Variants in SCRT1 observed in about 807,000 individuals in gnomAD.
SCRT1 encodes transcriptional repressor scratch 1.
In SCRT1, 1 loss-of-function variant was observed where a neutral mutation model predicts 3.4. That is an observed-to-expected ratio of 0.29 (90% CI 0.10 to 1.39). The LOEUF is 1.39. SCRT1 is among the 40% of genes most tolerant of loss of function. The pLI is 0.42. For missense variants in SCRT1, 380 were observed against 526.3 expected (o/e 0.72, Z 2.72); for synonymous variants, 238 against 247.0 (o/e 0.96, Z 0.34).
At position 144,333,380 on chromosome 8, in the gene SCRT1, G is replaced by A; in HGVS notation, c.852C>T (p.Ala284=). ...KPFGCAHCGK[A]FADRSNLRAH... The stretch of plus-strand genomic sequence containing the variant: ...CGCGCAGGTTGGAGCGGTCGGCGAA[G>A]GCCTTGCCGCAGTGCGCGCAGCCGA... Residue 284 remains alanine, a synonymous_variant, in exon 2 of 2, where the codon GCC becomes GCT. Transcript: ENST00000569446. The A allele has an allele frequency of 6.2e-7, 1 of 1,609,936 alleles. No individual in the cohort carries two copies. Among genetic ancestry groups the A allele is most frequent in the Non-Finnish European group, 8.5e-7 (1 of 1,178,912 alleles).
Position 144,336,190 on chromosome 8 carries a change from G to T in SCRT1, c.-21C>A. 1 of 1,542,342 alleles carries T rather than the reference G, an allele frequency of 6.5e-7. No individual in the cohort carries two copies. The highest frequency in any genetic ancestry group is 1.2e-5 in the South Asian group (1 of 84,842). On this transcript the variant is annotated 5_prime_UTR_variant, in exon 1 of 2. Coordinates refer to ENST00000569446, the MANE Select transcript of SCRT1 (RefSeq NM_031309.6). This position sits in a 1 kb window ranked among gnomAD's most constrained non-coding sequence, Gnocchi z 6.8. ...GGCATGATTCCTGCGGGGCTCCGGC[G>T]CTGTGGGCCTGCGGAGCCGGGGCTT...
Position 144,336,104 on chromosome 8 carries a change from G to A in SCRT1, c.66C>T (p.Ser22=), listed in dbSNP as rs1320439833. ...GGTCGCTGCGGGCGCGTCCGTAGGC[G>A]CTCTCCAGGTCGGCCGAAGAGAACG... ...LDAFSSADLE[S]AYGRARSDLG... The change falls in exon 1 of 2, where the codon AGC becomes AGT. Residue 22 remains serine, a synonymous_variant. Transcript: ENST00000569446. This position sits in a 1 kb window ranked among gnomAD's most constrained non-coding sequence, Gnocchi z 6.8. The A allele has an allele frequency of 8.1e-6, 13 of 1,610,102 alleles. No homozygotes were observed. Among genetic ancestry groups the A allele is most frequent in the African/African-American group, 2.7e-5 (2 of 74,784 alleles).
rs1817874637 is a variant in SCRT1 at position 144,335,421 on chromosome 8, C to G, written c.115+634G>C. Among the ~76,000 whole-genome samples, 1 of 152,164 alleles carries G rather than the reference C, an allele frequency of 6.6e-6. No individual in the cohort carries two copies. Among genetic ancestry groups the G allele is most frequent in the African/African-American group, 2.4e-5 (1 of 41,432 alleles). The stretch of plus-strand genomic sequence containing the variant: ...CCTGTCCCCCTCTCCTGCATGCTGA[C>G]AGTTGTCCTTGAACTTGGGCACCCT... On this transcript the variant is annotated intron_variant, in intron 1 of 1. Coordinates refer to ENST00000569446, the MANE Select transcript of SCRT1 (RefSeq NM_031309.6). This position sits in a 1 kb window ranked among gnomAD's most constrained non-coding sequence, Gnocchi z 7.7.
chr8:144,334,095 C>T lies in SCRT1; in HGVS notation c.137G>A (p.Gly46Glu), dbSNP rs782485054. 15 of 1,536,364 alleles carry T rather than the reference C, an allele frequency of 9.8e-6. No individual in the cohort carries two copies. In the South Asian group the frequency reaches 1.7e-4, roughly 17 times the overall value. The change falls in exon 2 of 2, where the codon GGG becomes GAG. Residue 46 changes from glycine (G) to glutamate (E), a missense_variant. Transcript: ENST00000569446. ...HDKGYLSDYV[G>E]PSSVYDGDAE... ...GTCGCCATCGTAGACGGACGAGGGC[C>T]CCACGTAGTCGCTGAGGTACCCTGC...
rs1489386274 is a variant in SCRT1, at chr8:144,330,769, G to A, written c.*2416C>T. On this transcript the variant is annotated 3_prime_UTR_variant, in exon 2 of 2. Coordinates refer to ENST00000569446, the MANE Select transcript of SCRT1 (RefSeq NM_031309.6). ...ATGTACAAGGCGGCGGGGCACAGGC[G>A]GGGGTGGGGGCGGGCGGGCCGGCGG... 24 of 151,192 alleles carry A rather than the reference G, an allele frequency of 1.6e-4. No individual in the cohort carries two copies. Among genetic ancestry groups the A allele is most frequent in the Non-Finnish European group, 2.2e-4 (15 of 67,372 alleles). The allele number at this position is 151,192 out of a possible 1,614,324, so 9.4% of individuals were successfully genotyped here. A position where few individuals can be genotyped will look rare whatever the true frequency, so the allele number is the denominator to read the frequency against.
rs1554849570 is a variant in SCRT1, at chr8:144,332,018, G to C, written c.*1167C>G. 1 of 151,646 alleles carries C rather than the reference G, an allele frequency of 6.6e-6. No individual in the cohort carries two copies. 9.4% of individuals were successfully genotyped at this position (151,646 alleles called of 1,614,324 possible). A position where few individuals can be genotyped will look rare whatever the true frequency, so the allele number is the denominator to read the frequency against. ...GCTTTGGCATAGACGGGCGAAAGTT[G>C]GCAACCGAGTGGGGGCGGGGCCTGG... On this transcript the variant is annotated 3_prime_UTR_variant, in exon 2 of 2. Coordinates refer to ENST00000569446, the MANE Select transcript of SCRT1 (RefSeq NM_031309.6).
rs1415741757 is a variant in SCRT1 at position 144,332,217 on chromosome 8, A to T, written c.*968T>A. On this transcript the variant is annotated 3_prime_UTR_variant, in exon 2 of 2. Transcript: ENST00000569446. ...ATGGGGGTTCAGCGCCCCCTCCCTG[A>T]CCCGAGTGCAATCCGTTCATAAATA... 6.6e-6 allele frequency: 1 copy of T among 152,278 alleles called. No individual in the cohort carries two copies. Among genetic ancestry groups the T allele is most frequent in the Non-Finnish European group, 1.5e-5 (1 of 68,042 alleles). The allele number at this position is 152,278 out of a possible 1,614,324, so 9.4% of individuals were successfully genotyped here.
At position 144,333,751 on chromosome 8, in the gene SCRT1, C is replaced by T; in HGVS notation, c.481G>A (p.Gly161Arg). ...CCGCCCCGGCCCCCCGGCCCGGATC[C>T]CAAGCTGCGCCCGCCCGCCCCGCCC... ...GGGGAGGRSL[G>R]SGPGGRGGTR... Residue 161 changes from glycine to arginine, a missense_variant, in exon 2 of 2, where the codon GGA (glycine) becomes AGA (arginine). Around this residue, in one of 5 missense-constraint regions of SCRT1, gnomAD observed 115 missense variants for 107.3 expected, o/e 1.07. Transcript: ENST00000569446. The T allele has an allele frequency of 8.7e-7, 1 of 1,152,032 alleles. No individual in the cohort carries two copies. Among genetic ancestry groups the T allele is most frequent in the East Asian group, 4.1e-5 (1 of 24,226 alleles). 71.4% of individuals were successfully genotyped at this position (1,152,032 alleles called of 1,614,324 possible). A position where few individuals can be genotyped will look rare whatever the true frequency, so the allele number is the denominator to read the frequency against.
Position 144,335,555 on chromosome 8 carries a change from C to T in SCRT1, c.115+500G>A, listed in dbSNP as rs782534984. 1.3e-5 allele frequency among the ~76,000 whole-genome samples: 2 copies of T among 152,226 alleles called. No individual in the cohort carries two copies. Among genetic ancestry groups the T allele is most frequent in the Non-Finnish European group, 2.9e-5 (2 of 68,040 alleles). ...GCTTCAGGGAAGAGACTGCTGCTGC[C>T]TCTGCTGGCCCTCTGCTCTGACAGG... On this transcript the variant is annotated intron_variant, in intron 1 of 1. Coordinates refer to ENST00000569446, the MANE Select transcript of SCRT1 (RefSeq NM_031309.6). The surrounding 1 kb of genome is among the most constrained non-coding windows in gnomAD (Gnocchi z 7.7).
rs1817799045 is a variant in SCRT1, at chr8:144,332,744, C to T, written c.*441G>A. 1 of 155,776 alleles carries T rather than the reference C, an allele frequency of 6.4e-6. No individual in the cohort carries two copies. Among genetic ancestry groups the T allele is most frequent in the Non-Finnish European group, 1.4e-5 (1 of 70,432 alleles). 9.6% of individuals were successfully genotyped at this position (155,776 alleles called of 1,614,324 possible). Reference sequence around the variant, plus strand: ...CGGCCTGCTGCCGGGGAGGGGCCGGCTCCCTGGACGTCTGGGCCGCAGGCC... The same window carrying T: ...CGGCCTGCTGCCGGGGAGGGGCCGGTTCCCTGGACGTCTGGGCCGCAGGCC... On this transcript the variant is annotated 3_prime_UTR_variant, in exon 2 of 2. Transcript: ENST00000569446.
intron 1 of SCRT1, 73 bp from the exon 2 acceptor site, chr8:144,334,189 C>A (rs1207998160): frequency 1.1e-4 from 3 of 28,302 alleles, no homozygotes; most frequent in African/African-American, 3.2e-4. Context: ...GATGGGGGGG[C>A]GGGAGACAGC....
In SCRT1 at chr8:144,336,197, G is replaced by A. The variant is rs369957144; in HGVS notation, c.-28C>T. ...TTCCTGCGGGGCTCCGGCGCTGTGG[G>A]CCTGCGGAGCCGGGGCTTGGGGGGG... On this transcript the variant is annotated 5_prime_UTR_variant, in exon 1 of 2. Coordinates refer to ENST00000569446, the MANE Select transcript of SCRT1 (RefSeq NM_031309.6). This position sits in a 1 kb window ranked among gnomAD's most constrained non-coding sequence, Gnocchi z 6.8. 2.1e-5 allele frequency: 31 copies of A among 1,500,842 alleles called. No homozygotes were observed. The highest frequency in any genetic ancestry group is 2.8e-5 in the Non-Finnish European group (31 of 1,104,518). 93.0% of individuals were successfully genotyped at this position (1,500,842 alleles called of 1,614,324 possible).
In SCRT1 at chr8:144,333,181, C is replaced by G. The variant is rs893463267; in HGVS notation, c.*4G>C. The G allele has an allele frequency of 3.6e-5, 54 of 1,508,150 alleles. No individual in the cohort carries two copies. The highest frequency in any genetic ancestry group is 4.8e-5 in the Non-Finnish European group (54 of 1,133,294). The allele number at this position is 1,508,150 out of a possible 1,614,324, so 93.4% of individuals were successfully genotyped here. A position where few individuals can be genotyped will look rare whatever the true frequency, so the allele number is the denominator to read the frequency against. On this transcript the variant is annotated 3_prime_UTR_variant, in exon 2 of 2. Transcript: ENST00000569446. ...CCGACCTGGCTGGGGGAGGCCCCGC[C>G]GCCCTAGGCCTGCACAGGGCTGAGC...
chr8:144,334,857 T>C lies in SCRT1; in HGVS notation c.116-741A>G, dbSNP rs140623537. 3.6e-3 allele frequency among the ~76,000 whole-genome samples: 542 copies of C among 152,180 alleles called. 4 individuals are homozygous for C. The highest frequency in any genetic ancestry group is 4.4e-3 in the Non-Finnish European group (302 of 67,988). ...TCCTGCACCCTTGGGTCCTACCCTG[T>C]TCAACATTGCCCTCTCCTGCTCACA... is the stretch of plus-strand genomic sequence containing the variant. On this transcript the variant is annotated intron_variant, in intron 1 of 1. Transcript: ENST00000569446.
At position 144,333,890 on chromosome 8, in the gene SCRT1, C is replaced by G. The variant is rs1387085923; in HGVS notation, c.342G>C (p.Ala114=). 1 of 1,289,450 alleles carries G rather than the reference C, an allele frequency of 7.8e-7. No individual in the cohort carries two copies. Among genetic ancestry groups the G allele is most frequent in the African/African-American group, 1.6e-5 (1 of 64,514 alleles). The allele number at this position is 1,289,450 out of a possible 1,614,324, so 79.9% of individuals were successfully genotyped here. ...GCCCGTCGGTGATGAAGAAGGCGTC[C>G]GCCGCGTAGCCCTCGCTGACGGCCG... is the stretch of plus-strand genomic sequence containing the variant. ...GDAAVSEGYA[A]DAFFITDGRS... Residue 114 remains alanine, a synonymous_variant, in exon 2 of 2, where the codon GCG becomes GCC. Transcript: ENST00000569446.
chr8:144,334,037 C>G lies in SCRT1; in HGVS notation c.195G>C (p.Pro65=), dbSNP rs1817847047. The G allele has an allele frequency of 6.6e-7, 1 of 1,525,718 alleles. No individual in the cohort carries two copies. The highest frequency in any genetic ancestry group is 8.8e-7 in the Non-Finnish European group (1 of 1,140,436). 94.5% of individuals were successfully genotyped at this position (1,525,718 alleles called of 1,614,324 possible). Reference sequence around the variant, plus strand: ...GCACAGCTGCTGCGTACATGGGCTCCGGCGACGGCCCTTTGAGCAGCGCAG... The same window carrying G: ...GCACAGCTGCTGCGTACATGGGCTCGGGCGACGGCCCTTTGAGCAGCGCAG... ...AEAALLKGPS[P]EPMYAAAVRG... is the part of the protein sequence containing the mutation. Residue 65 remains proline, a synonymous_variant, in exon 2 of 2, where the codon CCG becomes CCC. Coordinates refer to ENST00000569446, the MANE Select transcript of SCRT1 (RefSeq NM_031309.6).
Position 144,331,712 on chromosome 8 carries a change from T to G in SCRT1, c.*1473A>C. 1 of 147,704 alleles carries G rather than the reference T, an allele frequency of 6.8e-6. No individual in the cohort carries two copies. The highest frequency in any genetic ancestry group is 2.5e-5 in the African/African-American group (1 of 39,774). 9.1% of individuals were successfully genotyped at this position (147,704 alleles called of 1,614,324 possible). On this transcript the variant is annotated 3_prime_UTR_variant, in exon 2 of 2. Coordinates refer to ENST00000569446, the MANE Select transcript of SCRT1 (RefSeq NM_031309.6). ...CTCTGCCGTGGGGGTCGGGGAGGGG[T>G]GGGGAGAAAGTCTGCGCGGCCGGCC...
chr8:144,330,878 C>G lies in SCRT1; in HGVS notation c.*2307G>C, dbSNP rs782538057. 3 of 152,456 alleles carry G rather than the reference C, an allele frequency of 2.0e-5. No individual in the cohort carries two copies. The highest frequency in any genetic ancestry group is 4.4e-5 in the Non-Finnish European group (3 of 68,012). The allele number at this position is 152,456 out of a possible 1,614,324, so 9.4% of individuals were successfully genotyped here. A position where few individuals can be genotyped will look rare whatever the true frequency, so the allele number is the denominator to read the frequency against. Reference sequence around the variant, plus strand: ...AATAGGTGCTACCTAAACGTTCCTTCTACCTGAATTCGCTAAGTCGGTTAT... The same window carrying G: ...AATAGGTGCTACCTAAACGTTCCTTGTACCTGAATTCGCTAAGTCGGTTAT... On this transcript the variant is annotated 3_prime_UTR_variant, in exon 2 of 2. Transcript: ENST00000569446.
Position 144,333,499 on chromosome 8 carries a change from C to G in SCRT1, c.733G>C (p.Asp245His). 1 of 1,605,356 alleles carries G rather than the reference C, an allele frequency of 6.2e-7. No individual in the cohort carries two copies. The highest frequency in any genetic ancestry group is 8.5e-7 in the Non-Finnish European group (1 of 1,177,954). ...PAMAMHLLTH[D>H]LRHKCGVCGK... ...CACACGCCGCACTTGTGGCGCAGGT[C>G]GTGCGTGAGCAGGTGCATGGCCATG... The change falls in exon 2 of 2, where the codon GAC becomes CAC. Residue 245 changes from aspartate (D) to histidine (H), a missense_variant. By Grantham distance (81) the Asp-to-His change is moderately conservative. Around this residue, in one of 5 missense-constraint regions of SCRT1, gnomAD observed 56 missense variants for 169.3 expected, o/e 0.33. Coordinates refer to ENST00000569446, the MANE Select transcript of SCRT1 (RefSeq NM_031309.6).
Sources: allele counts gnomAD v4.1 joint callset (sites outside exome capture counted in the v4.1 genomes callset), GRCh38; gene constraint gnomAD v4.1.1; regional missense constraint gnomAD v4.1.1; non-coding constraint Gnocchi (gnomAD v3.1); transcripts MANE v1.5; gene names NCBI Gene and HGNC (gene_info 2026-07-23, HGNC 2026-07-21).